CYP4B1: variants seen among roughly 807,000 people sequenced by gnomAD.
CYP4B1 encodes the protein cytochrome P450 4B1.
Under a neutral mutation model 54.0 loss-of-function variants are expected in CYP4B1, and 45 were observed. That is an observed-to-expected ratio of 0.83 (90% CI 0.66 to 1.07). The LOEUF (loss-of-function observed/expected upper bound fraction) is 1.07. Ranked by LOEUF, CYP4B1 falls within the 50% of genes least tolerant of loss-of-function variation. The pLI, the probability that CYP4B1 is intolerant of heterozygous loss-of-function variation, is 0.00. For synonymous variants in CYP4B1, 248 were observed against 247.5 expected, an observed-to-expected ratio of 1.00 and a Z score of -0.02; for missense variants, 656 against 655.4, an observed-to-expected ratio of 1.00 and a Z score of -0.01.
intron 4 of CYP4B1, among the ~76,000 whole-genome samples, chr1:46,813,196 T>C (rs558912246): frequency 4.6e-5 from 7 of 152,330 alleles, no homozygotes; most frequent in African/African-American, 1.7e-4. Context: ...CTCTCAGCCA[T>C]CCTACTCCCT....
chr1:46,799,109 T>TTC lies in CYP4B1; in HGVS notation c.31_32dup (p.Ser12ProfsTer10). On this transcript the variant is annotated frameshift_variant, in exon 1 of 12. Transcript: ENST00000371923. LOFTEE classifies it high-confidence loss of function. ...GGTGCCCAGCTTCCTCTCCCTGAGC[T>TTC]TCTCCTCCTTGGGCCTGTGGGCTTC... is the stretch of plus-strand genomic sequence containing the variant. The TTC allele has an allele frequency of 6.2e-7, 1 of 1,614,070 alleles. No homozygotes were observed. Among genetic ancestry groups the TTC allele is most frequent in the Non-Finnish European group, 8.5e-7 (1 of 1,180,006 alleles).
rs150362335 is a variant in CYP4B1 at position 46,818,975 on chromosome 1, T to C, written c.*161T>C. 2.9e-5 allele frequency: 17 copies of C among 591,004 alleles called. 2 individuals are homozygous for C. The African/African-American group carries it at 3.0e-4, about 10-fold the overall frequency. 36.6% of individuals were successfully genotyped at this position (591,004 alleles called of 1,614,324 possible). A position where few individuals can be genotyped will look rare whatever the true frequency, so the allele number is the denominator to read the frequency against. ...ATAGACGACTCCTAGAGGACAGTGCTATGTAAAAATGTGTGTCTATAAATG... is the reference window on the plus strand; with the variant it reads ...ATAGACGACTCCTAGAGGACAGTGCCATGTAAAAATGTGTGTCTATAAATG... On this transcript the variant is annotated 3_prime_UTR_variant, in exon 12 of 12. Transcript: ENST00000371923.
chr1:46,813,057 G>A (rs918127154), intron 4 of CYP4B1, among the ~76,000 whole-genome samples: 2 of 152,166 alleles, frequency 1.3e-5, no homozygotes, highest in African/African-American at 4.8e-5. Flanking sequence ...TCTCTAAGAG[G>A]GATGTCAGAG....
At chr1:46,811,286 C>G (rs1679091920) in intron 3 of CYP4B1, 102 bp downstream of exon 3, 4 of 1,264,726 alleles carry the variant, frequency 3.2e-6, no homozygotes, top group Non-Finnish European at 3.5e-6. Context: ...CCCAGATGGC[C>G]TAGTTCTCGG....
At chr1:46,805,116 G>A (rs1342097912) in intron 1 of CYP4B1, among the ~76,000 whole-genome samples, 1 of 152,210 alleles carries the variant, frequency 6.6e-6, no homozygotes, top group Non-Finnish European at 1.5e-5. Context: ...ATCTCTGGGG[G>A]GAACCAACTC....
Position 46,817,150 on chromosome 1 carries a change from C to T in CYP4B1, c.1176C>T (p.Val392=). The change falls in exon 9 of 12, where the codon GTC becomes GTT. Residue 392 remains valine, a synonymous_variant. Coordinates refer to ENST00000371923, the MANE Select transcript of CYP4B1 (RefSeq NM_001099772.2). Reference sequence around the variant, plus strand: ...TGTACCGCCAGCTCAGCAAGCCTGTCACCTTTGTGGATGGCCGGTCTCTAC... The same window carrying T: ...TGTACCGCCAGCTCAGCAAGCCTGTTACCTTTGTGGATGGCCGGTCTCTAC... ...PQVYRQLSKP[V]TFVDGRSLPA... 1 of 1,614,206 alleles carries T rather than the reference C, an allele frequency of 6.2e-7. No homozygotes were observed. Among genetic ancestry groups the T allele is most frequent in the Non-Finnish European group, 8.5e-7 (1 of 1,180,008 alleles).
In CYP4B1 at chr1:46,811,162, T is replaced by C. The variant is rs1569889068; in HGVS notation, c.345T>C (p.Tyr115=). The change falls in exon 3 of 12, where the codon TAT becomes TAC. Residue 115 remains tyrosine (Y), a synonymous_variant. Coordinates refer to ENST00000371923, the MANE Select transcript of CYP4B1 (RefSeq NM_001099772.2). ...CAGACCCTAAGGCCCCTGATGTGTA[T>C]GACTTCTTCCTCCAGTGGATTGGTG... The part of the protein sequence containing the change: ...SRGDPKAPDV[Y]DFFLQWIGRG... The C allele has an allele frequency of 1.2e-6, 2 of 1,614,184 alleles. No individual in the cohort carries two copies. The highest frequency in any genetic ancestry group is 1.1e-5 in the South Asian group (1 of 91,084).
Position 46,814,073 on chromosome 1 carries a change from T to C in CYP4B1, c.775+10T>C. 2 of 1,613,816 alleles carry C rather than the reference T, an allele frequency of 1.2e-6. No individual in the cohort carries two copies. The highest frequency in any genetic ancestry group is 1.7e-4 in the Middle Eastern group (1 of 6,060). ...GCCCATGACCATACAGGTGGGCCTT[T>C]CCCACAAGGCTCACCTCTAGGAAGC... On this transcript the variant is annotated intron_variant, in intron 6 of 11. Coordinates refer to ENST00000371923, the MANE Select transcript of CYP4B1 (RefSeq NM_001099772.2).
intron 1 of CYP4B1, among the ~76,000 whole-genome samples, chr1:46,809,196 CA>C (rs1448249229): frequency 4.9e-4 from 69 of 141,232 alleles, no homozygotes; most frequent in African/African-American, 1.6e-3. Context: ...CAAAACAAAA[CA>C]AAACAAAAAA....
At chr1:46,816,581 G>GACACACACATACACACAC (rs1679340070) in intron 8 of CYP4B1, among the ~76,000 whole-genome samples, 1 of 146,596 alleles carries the variant, frequency 6.8e-6, no homozygotes, top group African/African-American at 2.5e-5. Flanking sequence ...AAAGGGAAAA[G>GACACACACATACACACAC]ACACACACAC....
In CYP4B1 at chr1:46,814,061, C is replaced by A. The variant is rs920979437; in HGVS notation, c.773C>A (p.Thr258Lys). Residue 258 changes from threonine to lysine, a missense_variant and splice_region_variant, in exon 6 of 12, where the codon ACA becomes AAA. Coordinates refer to ENST00000371923, the MANE Select transcript of CYP4B1 (RefSeq NM_001099772.2). ...GCCTGCCAGGTGGCCCATGACCATACAGGTGGGCCTTTCCCACAAGGCTCA... is the reference window on the plus strand; with the variant it reads ...GCCTGCCAGGTGGCCCATGACCATAAAGGTGGGCCTTTCCCACAAGGCTCA... ...LRACQVAHDH[T>K]DQVIRERKAA... 2.5e-6 allele frequency: 4 copies of A among 1,613,936 alleles called. No individual in the cohort carries two copies. The highest frequency in any genetic ancestry group is 3.4e-6 in the Non-Finnish European group (4 of 1,179,968).
Position 46,800,169 on chromosome 1 carries a change from T to C in CYP4B1, c.180+908T>C, listed in dbSNP as rs1334061404. Among the ~76,000 whole-genome samples, 23 of 50,626 alleles carry C rather than the reference T, an allele frequency of 4.5e-4. 1 individual carries two copies. Among genetic ancestry groups the C allele is most frequent in the Middle Eastern group, 0.01 (1 of 96 alleles). The allele number at this position is 50,626 out of a possible 152,430, so 33.2% of individuals were successfully genotyped here. A position where few individuals can be genotyped will look rare whatever the true frequency, so the allele number is the denominator to read the frequency against. ...CCCTTTCCCTTTCTTTCTTTCTTTT[T>C]TTCTTCTTTCTTTCTCTTTCTTTCT... On this transcript the variant is annotated intron_variant, in intron 1 of 11. Coordinates refer to ENST00000371923, the MANE Select transcript of CYP4B1 (RefSeq NM_001099772.2).
At chr1:46,804,312 C>T (rs1105456) in intron 1 of CYP4B1, among the ~76,000 whole-genome samples, 9,685 of 152,008 alleles carry the variant, frequency 0.064, 883 homozygotes, top group African/African-American at 0.2. Context: ...GTGGGGCCAT[C>T]ACAAGGAATT....
rs1258570243 is a variant in CYP4B1 at position 46,818,804 on chromosome 1, C to T, written c.1529C>T (p.Ser510Phe). The T allele has an allele frequency of 6.2e-7, 1 of 1,614,108 alleles. No individual in the cohort carries two copies. The highest frequency in any genetic ancestry group is 1.7e-5 in the Admixed American group (1 of 60,020). The change falls in exon 12 of 12, where the codon TCT becomes TTT. Residue 510 changes from serine to phenylalanine, a missense_variant. Coordinates refer to ENST00000371923, the MANE Select transcript of CYP4B1 (RefSeq NM_001099772.2). ...CACCTGAAGCCACTGGGCCCTGGGT[C>T]TGGGAAGTAGCTCTGATGAGAATGG... Reference protein sequence around the residue: ...HLHLKPLGPGSGK With the variant: ...HLHLKPLGPGFGK
chr1:46,807,115 G>GT (rs1260319296), intron 1 of CYP4B1, among the ~76,000 whole-genome samples: 1 of 152,318 alleles, frequency 6.6e-6, no homozygotes, highest in Non-Finnish European at 1.5e-5. Context: ...TCATGCACAT[G>GT]TTTTTTATTT....
rs774825270 is a variant in CYP4B1 at position 46,815,284 on chromosome 1, C to G, written c.1073+20C>G. 1.3e-6 allele frequency: 2 copies of G among 1,529,018 alleles called. No homozygotes were observed. The highest frequency in any genetic ancestry group is 1.8e-6 in the Non-Finnish European group (2 of 1,137,498). The allele number at this position is 1,529,018 out of a possible 1,614,324, so 94.7% of individuals were successfully genotyped here. Reference sequence around the variant, plus strand: ...CCAGTGGTGAGTCTGAGGGTGGGCCCGGTTTATCCTGCTCAGCCCTTGGGA... The same window carrying G: ...CCAGTGGTGAGTCTGAGGGTGGGCCGGGTTTATCCTGCTCAGCCCTTGGGA... On this transcript the variant is annotated intron_variant, in intron 8 of 11. Transcript: ENST00000371923.
chr1:46,816,985 C>T, intron 8 of CYP4B1, 63 bp from the exon 9 acceptor site: 1 of 1,590,966 alleles, frequency 6.3e-7, no homozygotes, highest in Admixed American at 1.7e-5. Context: ...GGGCTGGGGT[C>T]TGCTTTCTCG....
In CYP4B1 at chr1:46,814,274, C is replaced by T. The variant is rs377170127; in HGVS notation, c.841C>T (p.Arg281Trp). ...GAAGGTGCGGAAGAAGATCCAGAAC[C>T]GGAGGCACCTGGACTTCCTGGACAT... ...DEKVRKKIQN[R>W]RHLDFLDILL... Residue 281 changes from arginine to tryptophan, a missense_variant, in exon 7 of 12, where the codon CGG becomes TGG. Arg to Trp is a moderately radical substitution (Grantham distance 101). Transcript: ENST00000371923. 2.7e-5 allele frequency: 44 copies of T among 1,614,014 alleles called. No individual in the cohort carries two copies. The highest frequency in any genetic ancestry group is 1.3e-4 in the South Asian group (12 of 91,076).
rs1679237022 is a variant in CYP4B1 at position 46,814,205 on chromosome 1, T to C, written c.776-4T>C. 6.2e-7 allele frequency: 1 copy of C among 1,613,970 alleles called. No individual in the cohort carries two copies. Among genetic ancestry groups the C allele is most frequent in the Non-Finnish European group, 8.5e-7 (1 of 1,179,988 alleles). On this transcript the variant is annotated splice_polypyrimidine_tract_variant and splice_region_variant and intron_variant, in intron 6 of 11. Coordinates refer to ENST00000371923, the MANE Select transcript of CYP4B1 (RefSeq NM_001099772.2). Reference sequence around the variant, plus strand: ...GGCAGTGACACTCTGTGCTTTTGGTTCAGACCAGGTCATCAGGGAGCGGAA... The same window carrying C: ...GGCAGTGACACTCTGTGCTTTTGGTCCAGACCAGGTCATCAGGGAGCGGAA...
Sources: gnomAD v4.1 joint callset for allele counts (sites outside exome capture counted in the v4.1 genomes callset) on GRCh38, gnomAD v4.1.1 for gene constraint, MANE v1.5 for transcripts, NCBI Gene and HGNC (gene_info 2026-07-23, HGNC 2026-07-21) for gene names.